USH2A: variants seen among roughly 807,000 people sequenced by gnomAD.
The protein encoded by USH2A is Usher syndrome 2A (autosomal recessive, mild).
USH2A carries 443 observed loss-of-function variants against 538.9 expected under a neutral mutation model. That is an observed-to-expected ratio of 0.82 (90% CI 0.76 to 0.89). The LOEUF (loss-of-function observed/expected upper bound fraction) is 0.89, where lower values mean the gene tolerates loss of function less well. USH2A is among the 40% of genes least tolerant of loss of function. The pLI is 0.00. For synonymous variants in USH2A, 2,413 were observed against 2,273.5 expected, an observed-to-expected ratio of 1.06 and a Z score of -1.75; for missense variants, 6,633 against 6,324.8, an observed-to-expected ratio of 1.05 and a Z score of -1.65.
At chr1:216,156,947 C>T (rs1406945363) in intron 21 of USH2A, among the ~76,000 whole-genome samples, 4 of 151,140 alleles carry the variant, frequency 2.6e-5, no homozygotes, top group African/African-American at 7.3e-5. Context: ...CATCTTGGCT[C>T]ACTGCAACCC....
chr1:216,222,532 T>C (rs1257726458), intron 14 of USH2A, among the ~76,000 whole-genome samples: 1 of 152,166 alleles, frequency 6.6e-6, no homozygotes, highest in East Asian at 1.9e-4. Context: ...GGGGAGATTA[T>C]CCTGGATTAT....
chr1:216,153,515 A>G (rs1243094662), intron 21 of USH2A, among the ~76,000 whole-genome samples: 1 of 152,250 alleles, frequency 6.6e-6, no homozygotes, highest in Non-Finnish European at 1.5e-5. Flanking sequence ...ATGATCCAAC[A>G]GAGATCCAGT....
intron 46 of USH2A, among the ~76,000 whole-genome samples, chr1:215,842,957 A>C (rs75410548): frequency 0.039 from 6,007 of 152,256 alleles, 143 homozygotes; most frequent in African/African-American, 0.069. Flanking sequence ...GAACACGTAT[A>C]CAGGAACTTA....
At chr1:215,717,468 A>C (rs1265237502) in intron 61 of USH2A, among the ~76,000 whole-genome samples, 1 of 152,160 alleles carries the variant, frequency 6.6e-6, no homozygotes, top group Admixed American at 6.5e-5. Context: ...GAGTCTTCCT[A>C]GGTTCTTGTA....
chr1:215,897,015 G>A (rs1314992241), intron 40 of USH2A, among the ~76,000 whole-genome samples: 2 of 151,874 alleles, frequency 1.3e-5, no homozygotes, highest in African/African-American at 2.4e-5. Context: ...TTTTAAAAAT[G>A]CATGGAACTG....
intron 61 of USH2A, among the ~76,000 whole-genome samples, chr1:215,705,718 T>C (rs189015606): frequency 6.6e-6 from 1 of 152,304 alleles, no homozygotes. Context: ...CTAAAGATGG[T>C]AGGGGGCAGC....
chr1:215,872,373 C>T (rs944672592), intron 43 of USH2A, among the ~76,000 whole-genome samples: 5 of 152,106 alleles, frequency 3.3e-5, no homozygotes, highest in Non-Finnish European at 5.9e-5. Context: ...ATGTTGATCA[C>T]ACTTGAATAT....
At chr1:216,178,358 A>G (rs301750) in intron 20 of USH2A, among the ~76,000 whole-genome samples, 3 of 152,076 alleles carry the variant, frequency 2.0e-5, no homozygotes, top group African/African-American at 7.2e-5. Flanking sequence ...CAAAGATTTC[A>G]TTCTACAAGT....
intron 61 of USH2A, among the ~76,000 whole-genome samples, chr1:215,690,386 CA>C (rs1658562404): frequency 1.3e-5 from 2 of 152,180 alleles, no homozygotes; most frequent in South Asian, 4.1e-4. Context: ...TTCACTTTCC[CA>C]GCTATTCCCA....
chr1:216,221,344 C>T (rs1558325874), intron 14 of USH2A, among the ~76,000 whole-genome samples: 1 of 152,078 alleles, frequency 6.6e-6, no homozygotes, highest in African/African-American at 2.4e-5. Flanking sequence ...GCTACAGTGC[C>T]CTCTAGAGGA....
intron 61 of USH2A, among the ~76,000 whole-genome samples, chr1:215,705,615 T>C (rs1659161563): frequency 6.6e-6 from 1 of 152,208 alleles, no homozygotes; most frequent in Non-Finnish European, 1.5e-5. Context: ...AAGGGTCCCC[T>C]ATGGTAAAAG....
rs558799830 is a variant in USH2A at position 216,026,324 on chromosome 1, T to C, written c.6325+20107A>G. ...ATTTAAAATAATTGATCAATTTTTT[T>C]ACTTTAATATAATCAAAACATGTAT... On this transcript the variant is annotated intron_variant, in intron 32 of 71. Coordinates refer to ENST00000307340, the MANE Select transcript of USH2A (RefSeq NM_206933.4). Among the ~76,000 whole-genome samples, 79 of 152,332 alleles carry C rather than the reference T, an allele frequency of 5.2e-4. 1 individual carries two copies. The highest frequency in any genetic ancestry group is 3.4e-3 in the Middle Eastern group (1 of 294).
chr1:216,373,373 GGTGTTCCTCAA>G (rs1227526330), intron 3 of USH2A, among the ~76,000 whole-genome samples: 1 of 152,140 alleles, frequency 6.6e-6, no homozygotes, highest in Admixed American at 6.6e-5. Context: ...TCTCTATTGA[GGTGTTCCTCAA>G]GTAAGTTGTT....
At chr1:215,683,239 ACACACACACACACACG>A (rs148279244) in intron 61 of USH2A, among the ~76,000 whole-genome samples, 3 of 24,820 alleles carry the variant, frequency 1.2e-4, no homozygotes, top group African/African-American at 8.8e-5. Flanking sequence ...ACACACACAC[ACACACACACACACACG>A]CACACACACA....
In USH2A at chr1:215,652,141, A is replaced by G. The variant is rs531895811; in HGVS notation, c.14134-1340T>C. Among the ~76,000 whole-genome samples the G allele has an allele frequency of 1.4e-4, 22 of 152,324 alleles. 1 individual carries two copies. The South Asian group carries it at 4.3e-3, about 30-fold the overall frequency. ...TATGTCAGCTTATTTAGTCCTTCCA[A>G]TGGAAACCTTGTAAGGTGAGCCGAG... On this transcript the variant is annotated intron_variant, in intron 64 of 71. Transcript: ENST00000307340.
At chr1:215,782,251 G>T in intron 53 of USH2A, 55 bp from the exon 54 acceptor site, 1 of 1,575,908 alleles carries the variant, frequency 6.3e-7, no homozygotes, top group Non-Finnish European at 8.7e-7. Context: ...TTAACTATTT[G>T]CAAACAACTT....
Position 216,348,598 on chromosome 1 carries a change from T to C in USH2A, c.784+16355A>G, listed in dbSNP as rs368980721. ...CATCAAAGCCAATTTTAAAATCCTA[T>C]GTGAAAAATAGTTATTTTTTAGCAT... On this transcript the variant is annotated intron_variant, in intron 4 of 71. Transcript: ENST00000307340. Among the ~76,000 whole-genome samples, 9 of 152,226 alleles carry C rather than the reference T, an allele frequency of 5.9e-5. No individual in the cohort carries two copies. The East Asian group carries it at 1.4e-3, about 23-fold the overall frequency.
rs756472715 is a variant in USH2A at position 216,175,362 on chromosome 1, T to A, written c.4517A>T (p.Glu1506Val). 6 of 1,613,814 alleles carry A rather than the reference T, an allele frequency of 3.7e-6. No individual in the cohort carries two copies. Among genetic ancestry groups the A allele is most frequent in the Non-Finnish European group, 5.1e-6 (6 of 1,179,844 alleles). ...GGTCATCAGAGCTGGTAGAGATGAC[T>A]CTCTCCTTTCCAGCTGATATATAGG... ...PSPIYQLERR[E>V]SSLPALMTTM... is the part of the protein sequence containing the mutation. The change falls in exon 21 of 72, where the codon GAG (glutamate) becomes GTG (valine). Residue 1506 changes from glutamate to valine, a missense_variant. Glu to Val is a moderately radical substitution (Grantham distance 121). Transcript: ENST00000307340.
At chr1:216,235,585 A>G (rs1161178243) in intron 13 of USH2A, among the ~76,000 whole-genome samples, 2 of 152,202 alleles carry the variant, frequency 1.3e-5, no homozygotes, top group African/African-American at 4.8e-5. Context: ...GAATCTACAG[A>G]GTTCAAAGTT....
Sources: allele counts gnomAD v4.1 joint callset (sites outside exome capture counted in the v4.1 genomes callset), GRCh38; gene constraint gnomAD v4.1.1; transcripts MANE v1.5; gene names NCBI Gene and HGNC (gene_info 2026-07-23, HGNC 2026-07-21).